The following TGFBR1 variants were observed in gnomAD, a reference collection of about 807,000 sequenced individuals.
TGFBR1 encodes the protein transforming growth factor beta receptor 1.
TGFBR1 carries 20 observed loss-of-function variants against 55.1 expected under a neutral mutation model. The observed-to-expected ratio is 0.36, with a 90% CI of 0.26 to 0.53. The LOEUF (loss-of-function observed/expected upper bound fraction) is 0.53, where lower values mean the gene tolerates loss of function less well. Among genes scored for constraint, TGFBR1 ranks in the 20% least tolerant of loss-of-function variants. The probability of loss-of-function intolerance (pLI) is 0.91; values close to 1 mark genes in which losing one functional copy is unlikely to be tolerated. For missense variants in TGFBR1, 385 were observed against 617.6 expected, an observed-to-expected ratio of 0.62 and a Z score of 3.99; for synonymous variants, 220 against 214.8, an observed-to-expected ratio of 1.02 and a Z score of -0.21.
At chr9:99,131,995 T>C (rs1448013881) in intron 2 of TGFBR1, among the ~76,000 whole-genome samples, 2 of 151,248 alleles carry the variant, frequency 1.3e-5, no homozygotes, top group Non-Finnish European at 2.9e-5. Flanking sequence ...GGTGGAGAGA[T>C]ATATACTGAA....
In TGFBR1 at chr9:99,112,398, C is replaced by T. The variant is rs920874931; in HGVS notation, c.97+7096C>T. 4.6e-5 allele frequency among the ~76,000 whole-genome samples: 7 copies of T among 152,288 alleles called. No individual in the cohort carries two copies. The East Asian group carries it at 1.3e-3, about 29-fold the overall frequency. ...TTTCTCAGTGAGGCTTATCCTGCCA[C>T]CTTTTAAAATATTGTCATCATCCTA... On this transcript the variant is annotated intron_variant, in intron 1 of 8. Transcript: ENST00000374994.
At chr9:99,108,101 A>G (rs1826465815) in intron 1 of TGFBR1, among the ~76,000 whole-genome samples, 1 of 152,140 alleles carries the variant, frequency 6.6e-6, no homozygotes, top group Non-Finnish European at 1.5e-5. Context: ...ATTCTATTCC[A>G]CATAAATGCT....
At chr9:99,143,702 G>A (rs933578214) in intron 5 of TGFBR1, among the ~76,000 whole-genome samples, 1 of 151,946 alleles carries the variant, frequency 6.6e-6, no homozygotes, top group Non-Finnish European at 1.5e-5. Context: ...GTAAAATTCA[G>A]TGGTTTTTAG....
rs78853383 is a variant in TGFBR1, at chr9:99,115,176, G to C, written c.97+9874G>C. Among the ~76,000 whole-genome samples the C allele has an allele frequency of 7.1e-3, 1,074 of 152,176 alleles. 10 individuals are homozygous for C. The highest frequency in any genetic ancestry group is 0.031 in the Middle Eastern group (9 of 294). ...AATTCGGGTTTATCACTCATGATTTGTAAGGATTCACTTTTCCTTTTTTCT... is the reference window on the plus strand; with the variant it reads ...AATTCGGGTTTATCACTCATGATTTCTAAGGATTCACTTTTCCTTTTTTCT... On this transcript the variant is annotated intron_variant, in intron 1 of 8. Transcript: ENST00000374994.
chr9:99,131,023 T>C (rs980879942), intron 2 of TGFBR1, among the ~76,000 whole-genome samples: 1 of 152,166 alleles, frequency 6.6e-6, no homozygotes, highest in Non-Finnish European at 1.5e-5. Context: ...GGAACAGATT[T>C]AGATGATCCA....
intron 3 of TGFBR1, among the ~76,000 whole-genome samples, chr9:99,136,091 G>C (rs1322295527): frequency 6.6e-6 from 1 of 152,170 alleles, no homozygotes; most frequent in Non-Finnish European, 1.5e-5. Context: ...CTGATCTCTA[G>C]TGATCCAACC....
intron 1 of TGFBR1, among the ~76,000 whole-genome samples, chr9:99,120,993 T>G (rs1826881536): frequency 6.6e-6 from 1 of 152,212 alleles, no homozygotes; most frequent in African/African-American, 2.4e-5. Context: ...CCATAGAAAC[T>G]AGGAGACTGG....
At chr9:99,148,005 A>G (rs1827854852) in intron 8 of TGFBR1, among the ~76,000 whole-genome samples, 2 of 152,364 alleles carry the variant, frequency 1.3e-5, no homozygotes, top group South Asian at 4.1e-4. Context: ...GTATCAGAAC[A>G]TAGTTTAGAT....
rs150657800 is a variant in TGFBR1, at chr9:99,128,379, C to G, written c.98-476C>G. Among the ~76,000 whole-genome samples, 5 of 151,208 alleles carry G rather than the reference C, an allele frequency of 3.3e-5. No individual in the cohort carries two copies. In the East Asian group the frequency reaches 9.7e-4, roughly 29 times the overall value. On this transcript the variant is annotated intron_variant, in intron 1 of 8. Transcript: ENST00000374994. Reference sequence around the variant, plus strand: ...TTCCGTTACTCCATTATCCAGAAAGCCACTGAAATGGCATTAGCCTACACT... The same window carrying G: ...TTCCGTTACTCCATTATCCAGAAAGGCACTGAAATGGCATTAGCCTACACT...
At chr9:99,115,204 A>C (rs1336851411) in intron 1 of TGFBR1, among the ~76,000 whole-genome samples, 1 of 151,986 alleles carries the variant, frequency 6.6e-6, no homozygotes, top group Non-Finnish European at 1.5e-5. Context: ...TTTTTTCTGC[A>C]GTTGCTGTAC....
At chr9:99,138,264 A>G (rs1340904048) in intron 4 of TGFBR1, among the ~76,000 whole-genome samples, 175 bp downstream of exon 4, 1 of 152,230 alleles carries the variant, frequency 6.6e-6, no homozygotes, top group African/African-American at 2.4e-5. Flanking sequence ...AACTTCTTCA[A>G]GATTTTCTTG....
At chr9:99,128,817 C>T in intron 1 of TGFBR1, 38 bp from the exon 2 acceptor site, 1 of 1,611,778 alleles carries the variant, frequency 6.2e-7, no homozygotes, top group African/African-American at 1.3e-5. Context: ...AAACTGTTAA[C>T]CTTGAGATTT....
Position 99,132,541 on chromosome 9 carries a change from C to G in TGFBR1, c.376C>G (p.Leu126Val), listed in dbSNP as rs756586874. 3.1e-6 allele frequency: 5 copies of G among 1,614,064 alleles called. No individual in the cohort carries two copies. The highest frequency in any genetic ancestry group is 4.2e-6 in the Non-Finnish European group (5 of 1,180,034). ...KSSPGLGPVE[L>V]AAVIAGPVCF... ...ATCACCTGGCCTTGGTCCTGTGGAA[C>G]TGGCAGCTGTCATTGCTGGACCAGT... Residue 126 changes from leucine (L) to valine (V), a missense_variant, in exon 3 of 9, where the codon CTG becomes GTG. Physicochemically the swap from Leu to Val is conservative, Grantham distance 32. Transcript: ENST00000374994.
At chr9:99,116,734 C>G (rs1826754690) in intron 1 of TGFBR1, among the ~76,000 whole-genome samples, 1 of 152,072 alleles carries the variant, frequency 6.6e-6, no homozygotes, top group Admixed American at 6.5e-5. Context: ...AATTGGAAAC[C>G]CATATTCCTA....
intron 3 of TGFBR1, 30 bp from the exon 4 acceptor site, chr9:99,137,829 G>C (rs1317155955): frequency 6.4e-7 from 1 of 1,562,882 alleles, no homozygotes; most frequent in Non-Finnish European, 8.8e-7. Flanking sequence ...ATTGTTGATT[G>C]TGTTGAGTAC....
Position 99,144,726 on chromosome 9 carries a change from C to T in TGFBR1, c.974-6C>T. The stretch of plus-strand genomic sequence containing the variant: ...AAGCAGTCATGTTTAATTTTTGATT[C>T]TTTAGGAAAGCCAGCCATTGCTCAT... On this transcript the variant is annotated splice_polypyrimidine_tract_variant and splice_region_variant and intron_variant, in intron 5 of 8. Transcript: ENST00000374994. 1 of 1,613,440 alleles carries T rather than the reference C, an allele frequency of 6.2e-7. No homozygotes were observed. Among genetic ancestry groups the T allele is most frequent in the Non-Finnish European group, 8.5e-7 (1 of 1,179,732 alleles).
Position 99,152,532 on chromosome 9 carries a change from A to T in TGFBR1, c.*3227A>T, listed in dbSNP as rs199886589. The T allele has an allele frequency of 8.7e-6, 2 of 230,538 alleles. No individual in the cohort carries two copies. Among genetic ancestry groups the T allele is most frequent in the Non-Finnish European group, 1.7e-5 (2 of 116,052 alleles). The allele number at this position is 230,538 out of a possible 1,614,324, so 14.3% of individuals were successfully genotyped here. A position where few individuals can be genotyped will look rare whatever the true frequency, so the allele number is the denominator to read the frequency against. ...CACTTGGCGATTTTGTAGTACATGCATGAGTTACCTTTTTTCTCTATGTCT... is the reference window on the plus strand; with the variant it reads ...CACTTGGCGATTTTGTAGTACATGCTTGAGTTACCTTTTTTCTCTATGTCT... On this transcript the variant is annotated 3_prime_UTR_variant, in exon 9 of 9. Coordinates refer to ENST00000374994, the MANE Select transcript of TGFBR1 (RefSeq NM_004612.4).
intron 4 of TGFBR1, among the ~76,000 whole-genome samples, chr9:99,138,383 A>G (rs1047343704): frequency 2.6e-5 from 4 of 152,210 alleles, no homozygotes; most frequent in African/African-American, 9.6e-5. Flanking sequence ...AGTTATTGAG[A>G]GTACTCATGA....
chr9:99,140,364 G>A (rs1031746102), intron 4 of TGFBR1, among the ~76,000 whole-genome samples: 1 of 152,040 alleles, frequency 6.6e-6, no homozygotes, highest in East Asian at 1.9e-4. Flanking sequence ...CTAAGGCAGA[G>A]AATTGCTTGA....
Sources: gnomAD v4.1 joint callset for allele counts (sites outside exome capture counted in the v4.1 genomes callset) on GRCh38, gnomAD v4.1.1 for gene constraint, MANE v1.5 for transcripts, NCBI Gene and HGNC (gene_info 2026-07-23, HGNC 2026-07-21) for gene names.